ASB4: variants seen among roughly 807,000 people sequenced by gnomAD.
The protein encoded by ASB4 is ankyrin repeat and SOCS box containing 4.
A neutral mutation model predicts 38.6 loss-of-function variants in ASB4; 35 were observed. The observed-to-expected ratio is 0.91, with a 90% CI of 0.69 to 1.20. The LOEUF (loss-of-function observed/expected upper bound fraction) is 1.20. ASB4 is among the 50% of genes most tolerant of loss of function. The pLI is 0.00. For synonymous variants in ASB4, 195 were observed against 201.3 expected, an observed-to-expected ratio of 0.97 and a Z score of 0.26; for missense variants, 557 against 527.2, an observed-to-expected ratio of 1.06 and a Z score of -0.55.
chr7:95,513,302 T>TGTGTGTGTGTGTGTGTGTGTGTGTGTG (rs1790511450), intron 2 of ASB4, among the ~76,000 whole-genome samples: 1 of 85,998 alleles, frequency 1.2e-5, no homozygotes, highest in African/African-American at 4.8e-5. Flanking sequence ...AATGTGTGTG[T>TGTGTGTGTGTGTGTGTGTGTGTGTGTG]GTGTGTGTGT....
At chr7:95,494,472 A>G (rs1790217617) in intron 1 of ASB4, among the ~76,000 whole-genome samples, 1 of 152,224 alleles carries the variant, frequency 6.6e-6, no homozygotes, top group Admixed American at 6.5e-5. Context: ...TGACCATTAA[A>G]TCATATTCTG....
intron 2 of ASB4, among the ~76,000 whole-genome samples, chr7:95,505,850 T>G (rs1790401138): frequency 6.6e-6 from 1 of 152,158 alleles, no homozygotes; most frequent in African/African-American, 2.4e-5. Context: ...TACATACTCA[T>G]TGCTATTTAA....
At chr7:95,471,563 C>T in the ASB4 span, among the ~76,000 whole-genome samples, 415 of 152,292 alleles carry the variant, frequency 2.7e-3, 2 homozygotes, top group African/African-American at 9.8e-3. Context: ...TCTTCCAACA[C>T]TGTCAGTGTA....
chr7:95,480,641 G>T (rs966166348), intron 1 of ASB4, among the ~76,000 whole-genome samples: 5 of 152,120 alleles, frequency 3.3e-5, no homozygotes, highest in Non-Finnish European at 2.9e-5. Flanking sequence ...GCATCAACTT[G>T]TTAGCTAAGT....
chr7:95,515,937 T>C (rs1230077715), intron 2 of ASB4, among the ~76,000 whole-genome samples: 2 of 152,202 alleles, frequency 1.3e-5, no homozygotes, highest in Non-Finnish European at 2.9e-5. Flanking sequence ...GCCCCATTGG[T>C]ACCACTCTCC....
intron 1 of ASB4, among the ~76,000 whole-genome samples, chr7:95,489,971 G>A (rs1790148828): frequency 6.6e-6 from 1 of 152,176 alleles, no homozygotes; most frequent in Non-Finnish European, 1.5e-5. Flanking sequence ...ATGAGCTTTT[G>A]CTCATAAATG....
In ASB4 at chr7:95,507,279, G is replaced by A. The variant is rs183642626; in HGVS notation, c.487+11222G>A. Reference sequence around the variant, plus strand: ...AAAAATCTAACTGGCTTTTTTTCTAGAGAGTCAAGACCTAAATGCCATTAT... The same window carrying A: ...AAAAATCTAACTGGCTTTTTTTCTAAAGAGTCAAGACCTAAATGCCATTAT... On this transcript the variant is annotated intron_variant, in intron 2 of 4. Coordinates refer to ENST00000325885, the MANE Select transcript of ASB4 (RefSeq NM_016116.3). Among the ~76,000 whole-genome samples the A allele has an allele frequency of 1.1e-3, 168 of 151,718 alleles. 1 individual carries two copies. Among genetic ancestry groups the A allele is most frequent in the African/African-American group, 3.7e-3 (154 of 41,362 alleles).
At chr7:95,483,427 A>T (rs1010236230), upstream of ASB4, among the ~76,000 whole-genome samples, 1 of 152,176 alleles carries the variant, frequency 6.6e-6, no homozygotes, top group Non-Finnish European at 1.5e-5. Flanking sequence ...AAACACAGAG[A>T]ATTTTATTCA....
At chr7:95,473,663 G>A (rs1207481218), upstream of ASB4, 5 of 150,424 alleles carry the variant, frequency 3.3e-5, no homozygotes, top group South Asian at 6.3e-4. Context: ...TTTAATCAAC[G>A]GAATAATCAG....
chr7:95,547,625 A>G, the ASB4 span, among the ~76,000 whole-genome samples: 1 of 152,220 alleles, frequency 6.6e-6, no homozygotes, highest in Admixed American at 6.5e-5. Flanking sequence ...TGGCTAGGCT[A>G]TGTGTATCCA....
chr7:95,525,715 C>T (rs531633094), intron 2 of ASB4, among the ~76,000 whole-genome samples: 3 of 152,284 alleles, frequency 2.0e-5, no homozygotes, highest in African/African-American at 7.2e-5. Flanking sequence ...CATTCTCATT[C>T]GTTCCATTTC....
At chr7:95,547,122 C>A in the ASB4 span, among the ~76,000 whole-genome samples, 1 of 152,138 alleles carries the variant, frequency 6.6e-6, no homozygotes, top group Non-Finnish European at 1.5e-5. Flanking sequence ...GTAATCTCTT[C>A]AGTTTTTTAA....
chr7:95,480,452 G>GACTATAGGATA (rs1790013108), intron 1 of ASB4, among the ~76,000 whole-genome samples: 1 of 152,182 alleles, frequency 6.6e-6, no homozygotes, highest in Admixed American at 6.5e-5. Flanking sequence ...GCTAGTCAGT[G>GACTATAGGATA]TGACCATAGG....
intron 3 of ASB4, chr7:95,528,843 G>A (rs1241216544): frequency 2.6e-6 from 1 of 386,768 alleles, no homozygotes; most frequent in Non-Finnish European, 3.5e-6. Flanking sequence ...ATCATACGAG[G>A]TATATATTAT....
intron 2 of ASB4, among the ~76,000 whole-genome samples, chr7:95,521,351 T>C (rs564277718): frequency 6.6e-6 from 1 of 152,256 alleles, no homozygotes; most frequent in East Asian, 1.9e-4. Context: ...GAATACACTT[T>C]ACTGGTAATC....
intron 3 of ASB4, among the ~76,000 whole-genome samples, chr7:95,534,623 T>G (rs2116655733): frequency 6.6e-6 from 1 of 152,266 alleles, no homozygotes. Context: ...CTCGATGCAC[T>G]TGTCTTCTCC....
the ASB4 span, among the ~76,000 whole-genome samples, chr7:95,471,207 A>G: frequency 4.6e-5 from 7 of 152,182 alleles, no homozygotes; most frequent in Non-Finnish European, 8.8e-5. Context: ...CTACAGGAAA[A>G]AAGACGCACG....
At chr7:95,489,605 G>T (rs1416948058) in intron 1 of ASB4, among the ~76,000 whole-genome samples, 1 of 152,232 alleles carries the variant, frequency 6.6e-6, no homozygotes, top group African/African-American at 2.4e-5. Context: ...GCATTTGAGA[G>T]ACCTCCCTGG....
chr7:95,505,434 A>G (rs1790393730), intron 2 of ASB4, among the ~76,000 whole-genome samples: 1 of 152,192 alleles, frequency 6.6e-6, no homozygotes, highest in Non-Finnish European at 1.5e-5. Context: ...ATTGTTTAAA[A>G]GACATTAAGA....
Sources: allele counts gnomAD v4.1 joint callset (sites outside exome capture counted in the v4.1 genomes callset), GRCh38; gene constraint gnomAD v4.1.1; transcripts MANE v1.5; gene names NCBI Gene and HGNC (gene_info 2026-07-23, HGNC 2026-07-21).